POLR1D: variants seen among roughly 807,000 people sequenced by gnomAD.
The protein encoded by POLR1D is DNA-directed RNA polymerases I and III subunit RPAC2.
A neutral mutation model predicts 10.8 loss-of-function variants in POLR1D; 8 were observed. The observed-to-expected ratio is 0.74, with a 90% CI of 0.43 to 1.33. The LOEUF is 1.33. Among genes scored for constraint, POLR1D ranks in the 40% most tolerant of loss-of-function variants. The pLI is 0.01. For missense variants in POLR1D, 152 were observed against 161.7 expected (o/e 0.94, Z 0.32); for synonymous variants, 54 against 57.2 (o/e 0.94, Z 0.25).
chr13:27,624,325 A>C (rs1040592363), downstream of POLR1D, among the ~76,000 whole-genome samples: 1 of 152,096 alleles, frequency 6.6e-6, no homozygotes, highest in Non-Finnish European at 1.5e-5. Context: ...GGTCAACATG[A>C]TTCTGGTACC....
chr13:27,622,402 C>T, intron 1 of POLR1D: 1 of 321,522 alleles, frequency 3.1e-6, no homozygotes, highest in East Asian at 6.7e-5. Context: ...CTCCCTGCTG[C>T]TTGACTCCTG....
chr13:27,645,492 A>G (rs1432875289), intron 1 of POLR1D, among the ~76,000 whole-genome samples: 3 of 152,154 alleles, frequency 2.0e-5, no homozygotes, highest in African/African-American at 7.2e-5. Context: ...ATCACTTTCC[A>G]CATCTGTATT....
chr13:27,622,099 C>A, intron 1 of POLR1D, 90 bp downstream of exon 1: 1 of 1,113,738 alleles, frequency 9.0e-7, no homozygotes, highest in Non-Finnish European at 1.3e-6. Context: ...GCAGCCGGGG[C>A]CTGACTCGGG....
chr13:27,626,760 TGTA>T (rs1248399155), downstream of POLR1D, among the ~76,000 whole-genome samples: 2 of 152,228 alleles, frequency 1.3e-5, no homozygotes, highest in African/African-American at 2.4e-5. Flanking sequence ...GCTTTTAACA[TGTA>T]GTAATTCTGA....
chr13:27,621,253 G>C (rs1593273114), upstream of POLR1D: 1 of 152,626 alleles, frequency 6.6e-6, no homozygotes, highest in South Asian at 2.1e-4. Flanking sequence ...TCCTAGGACG[G>C]AAAGGATAAG....
chr13:27,629,352 A>T (rs745554895), intron 1 of POLR1D, among the ~76,000 whole-genome samples: 7 of 152,218 alleles, frequency 4.6e-5, no homozygotes, highest in Non-Finnish European at 1.0e-4. Context: ...GGATAACAAT[A>T]ATACCATATA....
At chr13:27,627,281 G>GTT (rs749694500), downstream of POLR1D, among the ~76,000 whole-genome samples, 32 of 144,210 alleles carry the variant, frequency 2.2e-4, no homozygotes, top group South Asian at 6.5e-4. Flanking sequence ...CGTGGGTCTG[G>GTT]TTTTTTTTTT....
intron 2 of POLR1D, among the ~76,000 whole-genome samples, chr13:27,657,176 A>G (rs1268985350): frequency 6.6e-6 from 1 of 152,184 alleles, no homozygotes; most frequent in Non-Finnish European, 1.5e-5. Flanking sequence ...TATGTCTTCT[A>G]TTTATCACTT....
chr13:27,666,836 G>A (rs531279957), exon 3 of POLR1D: 2 of 152,130 alleles, frequency 1.3e-5, no homozygotes, highest in South Asian at 4.1e-4. Flanking sequence ...TTTCAAACCT[G>A]TATTCCTTCT....
chr13:27,662,192 G>C (rs962634104), intron 2 of POLR1D, among the ~76,000 whole-genome samples: 6 of 152,016 alleles, frequency 3.9e-5, no homozygotes, highest in Non-Finnish European at 1.5e-5. Flanking sequence ...CAAAAATTCC[G>C]GATGTATTAG....
upstream of POLR1D, chr13:27,620,949 A>G (rs1464879958): frequency 2.6e-5 from 4 of 152,938 alleles, no homozygotes; most frequent in Non-Finnish European, 5.8e-5. Flanking sequence ...GCAGGGAAGC[A>G]GAAACGTAGT....
intron 2 of POLR1D, among the ~76,000 whole-genome samples, chr13:27,652,036 C>T (rs1399396308): frequency 3.3e-5 from 5 of 152,354 alleles, no homozygotes; most frequent in Middle Eastern, 6.8e-3. Flanking sequence ...TATTTAGGCA[C>T]AGGGTGCTTT....
Position 27,663,065 on chromosome 13 carries a change from G to A in POLR1D, c.102-2621G>A, listed in dbSNP as rs1956379765. Among the ~76,000 whole-genome samples the A allele has an allele frequency of 6.6e-6, 1 of 152,188 alleles. No homozygotes were observed. Among genetic ancestry groups the A allele is most frequent in the Admixed American group, 6.5e-5 (1 of 15,276 alleles). ...AATTTCTACCTTAAAGGCCAGAGAA[G>A]CTCTCCCCACTGATTCCCTCAGACA... On this transcript the variant is annotated intron_variant, in intron 2 of 2. Transcript: ENST00000399697. This position sits in a 1 kb window ranked among gnomAD's most constrained non-coding sequence, Gnocchi z 4.1.
At chr13:27,626,041 T>G (rs1213357283), downstream of POLR1D, among the ~76,000 whole-genome samples, 1 of 152,230 alleles carries the variant, frequency 6.6e-6, no homozygotes, top group East Asian at 1.9e-4. Context: ...ATACAGCATA[T>G]TCTCTTATGG....
rs966743911 is a variant in POLR1D, at chr13:27,663,073, C to T, written c.102-2613C>T. Among the ~76,000 whole-genome samples the T allele has an allele frequency of 6.6e-6, 1 of 152,228 alleles. No individual in the cohort carries two copies. Among genetic ancestry groups the T allele is most frequent in the Non-Finnish European group, 1.5e-5 (1 of 68,048 alleles). Reference sequence around the variant, plus strand: ...CCTTAAAGGCCAGAGAAGCTCTCCCCACTGATTCCCTCAGACATTGGTTTT... The same window carrying T: ...CCTTAAAGGCCAGAGAAGCTCTCCCTACTGATTCCCTCAGACATTGGTTTT... On this transcript the variant is annotated intron_variant, in intron 2 of 2. Coordinates refer to the POLR1D transcript ENST00000399697. The surrounding 1 kb of genome is among the most constrained non-coding windows in gnomAD (Gnocchi z 4.1).
intron 1 of POLR1D, chr13:27,648,095 TAAG>T (rs1956236069): frequency 7.4e-6 from 2 of 269,106 alleles, no homozygotes; most frequent in Non-Finnish European, 1.4e-5. Context: ...TTCAAATTAA[TAAG>T]AAAAGATAAT....
downstream of POLR1D, among the ~76,000 whole-genome samples, chr13:27,627,542 G>A (rs1295610566): frequency 6.6e-6 from 1 of 152,108 alleles, no homozygotes; most frequent in Non-Finnish European, 1.5e-5. Context: ...GATGAATTCA[G>A]AATGGGATGG....
intron 1 of POLR1D, among the ~76,000 whole-genome samples, chr13:27,637,235 G>A (rs560586606): frequency 6.6e-6 from 1 of 152,274 alleles, no homozygotes; most frequent in South Asian, 2.1e-4. Context: ...AATTTTCCAT[G>A]CCTTGGGTTT....
At chr13:27,642,068 A>G (rs1050293549) in intron 1 of POLR1D, among the ~76,000 whole-genome samples, 5 of 152,190 alleles carry the variant, frequency 3.3e-5, no homozygotes, top group African/African-American at 1.2e-4. Context: ...TCATCTCAAA[A>G]CACAATTAGC....
Sources: gnomAD v4.1 joint callset for allele counts (sites outside exome capture counted in the v4.1 genomes callset) on GRCh38, gnomAD v4.1.1 for gene constraint, Gnocchi (gnomAD v3.1) non-coding constraint, MANE v1.5 for transcripts, NCBI Gene and HGNC (gene_info 2026-07-23, HGNC 2026-07-21) for gene names.